ZNF804B: variants seen among roughly 807,000 people sequenced by gnomAD.
ZNF804B encodes zinc finger 804B.
In ZNF804B, 80 loss-of-function variants were observed where a neutral mutation model predicts 101.4. That is an observed-to-expected ratio of 0.79 (90% CI 0.66 to 0.95). ZNF804B has a LOEUF of 0.95. ZNF804B is among the 40% of genes least tolerant of loss of function. The probability of loss-of-function intolerance (pLI) is 0.00; values close to 1 mark genes in which losing one functional copy is unlikely to be tolerated. For synonymous variants in ZNF804B, 622 were observed against 558.8 expected (o/e 1.11, Z -1.59); for missense variants, 1,673 against 1,561.9 (o/e 1.07, Z -1.20).
At chr7:89,191,971 A>G (rs1788461770) in intron 1 of ZNF804B, among the ~76,000 whole-genome samples, 1 of 151,750 alleles carries the variant, frequency 6.6e-6, no homozygotes, top group Admixed American at 6.6e-5. Flanking sequence ...TGAATGAAAT[A>G]AGAAATAATT....
At chr7:89,038,841 G>A (rs772330638) in intron 1 of ZNF804B, among the ~76,000 whole-genome samples, 3 of 152,012 alleles carry the variant, frequency 2.0e-5, no homozygotes, top group Non-Finnish European at 4.4e-5. Flanking sequence ...TGTATATGAT[G>A]TGATACAAAG....
chr7:89,267,735 T>C (rs1405785714), intron 2 of ZNF804B, among the ~76,000 whole-genome samples: 1 of 152,182 alleles, frequency 6.6e-6, no homozygotes, highest in Non-Finnish European at 1.5e-5. Flanking sequence ...CTTTTTCATT[T>C]GAATAAGAGA....
intron 2 of ZNF804B, among the ~76,000 whole-genome samples, chr7:89,241,603 C>T (rs917587743): frequency 6.6e-6 from 1 of 152,052 alleles, no homozygotes; most frequent in Admixed American, 6.6e-5. Context: ...TGTCTTTAAC[C>T]TCTGAGTACT....
At chr7:89,273,049 A>G (rs1437454007) in intron 2 of ZNF804B, among the ~76,000 whole-genome samples, 1 of 152,178 alleles carries the variant, frequency 6.6e-6, no homozygotes, top group Non-Finnish European at 1.5e-5. Context: ...GCTTTAACTG[A>G]TTAAAAGACT....
intron 1 of ZNF804B, among the ~76,000 whole-genome samples, chr7:89,115,582 T>C (rs571563174): frequency 6.6e-5 from 10 of 152,302 alleles, no homozygotes; most frequent in Middle Eastern, 3.4e-3. Flanking sequence ...TGGATGGAAG[T>C]TGATGATCTA....
At chr7:89,007,757 A>T (rs1268714477) in intron 1 of ZNF804B, among the ~76,000 whole-genome samples, 1 of 150,794 alleles carries the variant, frequency 6.6e-6, no homozygotes, top group Admixed American at 6.7e-5. Flanking sequence ...CTATAAGGTG[A>T]ATATATGTCA....
chr7:88,814,170 A>G (rs1174863349), intron 1 of ZNF804B, among the ~76,000 whole-genome samples: 1 of 152,176 alleles, frequency 6.6e-6, no homozygotes, highest in Admixed American at 6.5e-5. Flanking sequence ...CATTTTGTCA[A>G]GTGAATAAGA....
At chr7:88,790,768 C>T (rs1436256838) in intron 1 of ZNF804B, among the ~76,000 whole-genome samples, 2 of 152,024 alleles carry the variant, frequency 1.3e-5, no homozygotes, top group East Asian at 3.9e-4. Flanking sequence ...GTGCATGTAT[C>T]TGCATTCTAT....
At chr7:88,760,767 A>T (rs1438303052) in intron 1 of ZNF804B, among the ~76,000 whole-genome samples, 1 of 151,236 alleles carries the variant, frequency 6.6e-6, no homozygotes, top group Non-Finnish European at 1.5e-5. Flanking sequence ...AAATAATTTC[A>T]TCCAGATTAT....
intron 1 of ZNF804B, among the ~76,000 whole-genome samples, chr7:88,888,550 T>C (rs866918416): frequency 6.6e-6 from 1 of 152,150 alleles, no homozygotes. Context: ...CCAGAAACTG[T>C]AGAGCAATTA....
At chr7:88,828,985 T>A (rs1244974092) in intron 1 of ZNF804B, among the ~76,000 whole-genome samples, 4 of 152,186 alleles carry the variant, frequency 2.6e-5, no homozygotes, top group Non-Finnish European at 5.9e-5. Flanking sequence ...GCTACTGAAC[T>A]GTTATGTGGA....
rs529526168 is a variant in ZNF804B at position 89,154,614 on chromosome 7, A to G, written c.109-63541A>G. On this transcript the variant is annotated intron_variant, in intron 1 of 3. Coordinates refer to ENST00000333190, the MANE Select transcript of ZNF804B (RefSeq NM_181646.5). ...TTAAGTGAAATAAGCTACCCACAGA[A>G]AGACAAACATCACATGTTCTCACTT... Among the ~76,000 whole-genome samples, 10 of 152,296 alleles carry G rather than the reference A, an allele frequency of 6.6e-5. No individual in the cohort carries two copies. In the East Asian group the frequency reaches 1.9e-3, roughly 29 times the overall value.
At chr7:88,800,398 T>G (rs1790560076) in intron 1 of ZNF804B, among the ~76,000 whole-genome samples, 1 of 152,166 alleles carries the variant, frequency 6.6e-6, no homozygotes, top group South Asian at 2.1e-4. Flanking sequence ...TAGGAACATT[T>G]AGTTAATTGA....
intron 1 of ZNF804B, among the ~76,000 whole-genome samples, chr7:88,845,295 G>GCGTGCGCACGCGCGCGCGCA (rs1554339276): frequency 9.9e-6 from 1 of 101,312 alleles, no homozygotes; most frequent in Non-Finnish European, 2.1e-5. Flanking sequence ...GCGCGCGCAC[G>GCGTGCGCACGCGCGCGCGCA]CGCGCGCACA....
chr7:88,854,491 C>CT (rs1562812810), intron 1 of ZNF804B, among the ~76,000 whole-genome samples: 43 of 76,926 alleles, frequency 5.6e-4, no homozygotes, highest in African/African-American at 2.2e-3. Flanking sequence ...CCTTTCCTTT[C>CT]CTTTCCTTTC....
At chr7:89,015,877 G>A (rs993123313) in intron 1 of ZNF804B, among the ~76,000 whole-genome samples, 13 of 151,988 alleles carry the variant, frequency 8.6e-5, no homozygotes, top group South Asian at 2.1e-4. Context: ...GGGTCAAATG[G>A]TATTTCTAGT....
intron 1 of ZNF804B, among the ~76,000 whole-genome samples, chr7:88,783,672 T>C (rs1790260987): frequency 6.6e-6 from 1 of 152,096 alleles, no homozygotes. Flanking sequence ...CAGAGAATCG[T>C]TACAATAATA....
At chr7:88,954,527 G>A (rs186564376) in intron 1 of ZNF804B, among the ~76,000 whole-genome samples, 53 of 147,348 alleles carry the variant, frequency 3.6e-4, no homozygotes, top group Middle Eastern at 3.5e-3. Context: ...CAATTAGCAT[G>A]CTATAAGAGA....
intron 1 of ZNF804B, among the ~76,000 whole-genome samples, chr7:89,187,976 C>T (rs1311985601): frequency 6.6e-6 from 1 of 152,080 alleles, no homozygotes; most frequent in East Asian, 1.9e-4. Flanking sequence ...TACCTGAAAA[C>T]AGGACTTATA....
Sources: allele counts gnomAD v4.1 joint callset (sites outside exome capture counted in the v4.1 genomes callset), GRCh38; gene constraint gnomAD v4.1.1; transcripts MANE v1.5; gene names NCBI Gene and HGNC (gene_info 2026-07-23, HGNC 2026-07-21).